CDK19: variants seen among roughly 807,000 people sequenced by gnomAD.
The protein encoded by CDK19 is cyclin-dependent kinase 19.
In CDK19, 20 loss-of-function variants were observed where a neutral mutation model predicts 68.3. That is an observed-to-expected ratio of 0.29 (90% CI 0.21 to 0.43). CDK19 has a LOEUF of 0.43. Among genes scored for constraint, CDK19 ranks in the 20% least tolerant of loss-of-function variants. The probability of loss-of-function intolerance (pLI) is 1.00; values close to 1 mark genes in which losing one functional copy is unlikely to be tolerated. For synonymous variants in CDK19, 221 were observed against 222.8 expected, an observed-to-expected ratio of 0.99 and a Z score of 0.07; for missense variants, 339 against 623.5, an observed-to-expected ratio of 0.54 and a Z score of 4.86.
At chr6:110,814,502 A>C (rs1281791085) in intron 1 of CDK19, 4 of 431,358 alleles carry the variant, frequency 9.3e-6, no homozygotes, top group Non-Finnish European at 1.9e-5. Flanking sequence ...CCAGCGGGTC[A>C]GAGCCGTGGG....
At chr6:110,641,452 C>G (rs1780159195) in intron 4 of CDK19, among the ~76,000 whole-genome samples, 1 of 151,806 alleles carries the variant, frequency 6.6e-6, no homozygotes, top group Admixed American at 6.6e-5. Flanking sequence ...CAAAAATTAG[C>G]CAGGCATGGT....
intron 2 of CDK19, among the ~76,000 whole-genome samples, chr6:110,741,369 G>A (rs1013716703): frequency 2.8e-4 from 42 of 151,880 alleles, no homozygotes; most frequent in African/African-American, 1.0e-3. Context: ...GGCTGAGGTG[G>A]TAAAATTGCT....
intron 2 of CDK19, among the ~76,000 whole-genome samples, chr6:110,721,103 G>A (rs1775843956): frequency 6.6e-6 from 1 of 151,856 alleles, no homozygotes; most frequent in Admixed American, 6.6e-5. Context: ...AGCTGGTCGT[G>A]GTGACAGGCG....
At chr6:110,645,916 G>C (rs1780536466) in intron 4 of CDK19, 1 of 902,252 alleles carries the variant, frequency 1.1e-6, no homozygotes, top group African/African-American at 1.6e-5. Flanking sequence ...ACTGTGCCGG[G>C]ACAGCAGGTG....
chr6:110,639,906 G>T (rs1401641771), intron 4 of CDK19, among the ~76,000 whole-genome samples: 1 of 152,120 alleles, frequency 6.6e-6, no homozygotes, highest in African/African-American at 2.4e-5. Flanking sequence ...GACCAGGTAT[G>T]CATAAGACGC....
chr6:110,622,934 G>A, intron 9 of CDK19, 22 bp from the exon 10 acceptor site: 1 of 1,392,312 alleles, frequency 7.2e-7, no homozygotes. Context: ...CACAGGAAAT[G>A]TACAGCACAT....
chr6:110,794,406 CTTT>C (rs58569860), intron 1 of CDK19, among the ~76,000 whole-genome samples: 1 of 132,004 alleles, frequency 7.6e-6, no homozygotes. Flanking sequence ...TAGTTTGAAA[CTTT>C]TTTTTTTTTT....
At chr6:110,638,523 T>C (rs1459159769) in intron 5 of CDK19, 126 bp downstream of exon 5, 1 of 636,372 alleles carries the variant, frequency 1.6e-6, no homozygotes, top group Non-Finnish European at 2.8e-6. Context: ...TTTTCCAATA[T>C]CTTTTCTAAA....
At chr6:110,676,151 G>C (rs1416581468) in intron 2 of CDK19, among the ~76,000 whole-genome samples, 1 of 152,186 alleles carries the variant, frequency 6.6e-6, no homozygotes, top group Non-Finnish European at 1.5e-5. Flanking sequence ...TAATTTTGAG[G>C]AGTTCAAGGT....
intron 4 of CDK19, among the ~76,000 whole-genome samples, chr6:110,651,053 A>C (rs1468481948): frequency 6.6e-6 from 1 of 152,182 alleles, no homozygotes; most frequent in Non-Finnish European, 1.5e-5. Context: ...GGTCAATGTA[A>C]GAACAGGAGA....
At chr6:110,747,085 T>C (rs917273757) in intron 1 of CDK19, among the ~76,000 whole-genome samples, 3 of 152,224 alleles carry the variant, frequency 2.0e-5, no homozygotes, top group Admixed American at 2.0e-4. Context: ...TTCCAAGTTT[T>C]GTCTTTTGAT....
intron 2 of CDK19, among the ~76,000 whole-genome samples, chr6:110,705,611 G>A (rs749947756): frequency 2.0e-5 from 3 of 152,228 alleles, no homozygotes; most frequent in Non-Finnish European, 4.4e-5. Context: ...CACAGACTCC[G>A]AAGGTACGTT....
intron 1 of CDK19, among the ~76,000 whole-genome samples, chr6:110,787,795 T>C (rs1781335469): frequency 1.3e-5 from 2 of 152,244 alleles, no homozygotes; most frequent in South Asian, 2.1e-4. Flanking sequence ...TGGGAACTTA[T>C]CTGCTGCATT....
At chr6:110,620,417 TC>T (rs1778633569) in intron 12 of CDK19, among the ~76,000 whole-genome samples, 1 of 152,146 alleles carries the variant, frequency 6.6e-6, no homozygotes, top group South Asian at 2.1e-4. Context: ...ACTTAAGTTT[TC>T]CCTTCTTCCT....
intron 4 of CDK19, among the ~76,000 whole-genome samples, chr6:110,643,846 G>A (rs1193993319): frequency 6.6e-6 from 1 of 152,108 alleles, no homozygotes; most frequent in Non-Finnish European, 1.5e-5. Flanking sequence ...CAAAGCTGTG[G>A]CAGAAGGATC....
chr6:110,771,986 C>T lies in CDK19; in HGVS notation c.129-25785G>A, dbSNP rs1780044901. ...TATCAGCATTTTGGGCAAAGCCACT[C>T]AACAAGTCTCTAGGAAGTTCCAAAC... On this transcript the variant is annotated intron_variant, in intron 1 of 12. Transcript: ENST00000368911. Among the ~76,000 whole-genome samples the T allele has an allele frequency of 2.0e-5, 3 of 152,184 alleles. No homozygotes were observed. In the South Asian group the frequency reaches 6.2e-4, roughly 32 times the overall value.
At chr6:110,624,435 T>C (rs978054599) in intron 8 of CDK19, among the ~76,000 whole-genome samples, 37 of 152,196 alleles carry the variant, frequency 2.4e-4, no homozygotes, top group East Asian at 1.9e-4. Flanking sequence ...ATGTTCATGA[T>C]AAAAAGAATT....
chr6:110,619,084 T>C (rs941016837), intron 12 of CDK19, among the ~76,000 whole-genome samples: 4 of 152,198 alleles, frequency 2.6e-5, no homozygotes, highest in Non-Finnish European at 4.4e-5. Context: ...ATGGGACACC[T>C]GACTGCCCCT....
chr6:110,661,550 A>C (rs1477614319), intron 4 of CDK19, among the ~76,000 whole-genome samples: 1 of 152,156 alleles, frequency 6.6e-6, no homozygotes, highest in Admixed American at 6.6e-5. Flanking sequence ...ACTGGCCTCA[A>C]GCAATCTTCC....
Sources: allele counts gnomAD v4.1 joint callset (sites outside exome capture counted in the v4.1 genomes callset), GRCh38; gene constraint gnomAD v4.1.1; transcripts MANE v1.5; gene names NCBI Gene and HGNC (gene_info 2026-07-23, HGNC 2026-07-21).